The following CHAC2 variants were observed in gnomAD, a reference collection of about 807,000 sequenced individuals.
CHAC2 encodes the protein ChaC glutathione specific gamma-glutamylcyclotransferase 2.
CHAC2 carries 20 observed loss-of-function variants against 16.9 expected under a neutral mutation model. The ratio of observed to expected loss-of-function variants is 1.18; its 90% CI spans 0.83 to 1.72. CHAC2 has a LOEUF of 1.72. CHAC2 is among the 40% of genes most tolerant of loss of function. The probability of loss-of-function intolerance (pLI) is 0.00; values close to 1 mark genes in which losing one functional copy is unlikely to be tolerated. For synonymous variants in CHAC2, 91 were observed against 77.3 expected (o/e 1.18, Z -0.93); for missense variants, 269 against 222.2 (o/e 1.21, Z -1.34).
intron 2 of CHAC2, among the ~76,000 whole-genome samples, chr2:53,772,628 G>T (rs1044690435): frequency 1.5e-4 from 23 of 151,432 alleles, no homozygotes; most frequent in African/African-American, 5.6e-4. Context: ...CTCATTTTCA[G>T]CAGAAATCTA....
intron 2 of CHAC2, among the ~76,000 whole-genome samples, chr2:53,773,829 G>A (rs932511036): frequency 1.3e-5 from 2 of 151,136 alleles, no homozygotes; most frequent in Admixed American, 1.3e-4. Flanking sequence ...GAGGTCAGGA[G>A]TTTGAGACCA....
chr2:53,770,294 A>G (rs1252164550), intron 1 of CHAC2, among the ~76,000 whole-genome samples: 1 of 152,204 alleles, frequency 6.6e-6, no homozygotes, highest in Admixed American at 6.5e-5. Context: ...TTCCATGATT[A>G]CAAATTATCT....
intron 1 of CHAC2, among the ~76,000 whole-genome samples, chr2:53,769,256 A>T (rs1673718569): frequency 6.6e-6 from 1 of 152,204 alleles, no homozygotes; most frequent in Non-Finnish European, 1.5e-5. Flanking sequence ...CACGCCTCTG[A>T]TCCCAACACT....
At chr2:53,768,095 A>T (rs948025264) in intron 1 of CHAC2, 74 bp downstream of exon 1, 2 of 1,534,882 alleles carry the variant, frequency 1.3e-6, no homozygotes, top group African/African-American at 1.4e-5. Context: ...CAGCACCCAC[A>T]CCCTAGAGAA....
At position 53,772,108 on chromosome 2, in the gene CHAC2, A is replaced by G. The variant is rs527521109; in HGVS notation, c.171+166A>G. On this transcript the variant is annotated intron_variant, in intron 2 of 2. Coordinates refer to ENST00000295304, the MANE Select transcript of CHAC2 (RefSeq NM_001008708.4). The stretch of plus-strand genomic sequence containing the variant: ...TTTGTGTTTGTGAAAACTGAGGCCA[A>G]TAAGAAAAGTTAGAATGCAGAGTGC... Among the ~76,000 whole-genome samples, 81 of 152,266 alleles carry G rather than the reference A, an allele frequency of 5.3e-4. No individual in the cohort carries two copies. In the South Asian group the frequency reaches 0.017, roughly 31 times the overall value.
chr2:53,772,059 T>G, intron 2 of CHAC2, 117 bp downstream of exon 2: 1 of 643,414 alleles, frequency 1.6e-6, no homozygotes, highest in South Asian at 2.3e-5. Context: ...AATTTAGAAT[T>G]CTTCTCTGTA....
upstream of CHAC2, chr2:53,767,801 G>A: frequency 6.6e-7 from 1 of 1,513,100 alleles, no homozygotes; most frequent in Non-Finnish European, 8.9e-7. Flanking sequence ...CGCGCGGCCG[G>A]TTACTCGCTT....
chr2:53,771,585 A>G (rs1383465225), intron 1 of CHAC2, among the ~76,000 whole-genome samples: 1 of 152,222 alleles, frequency 6.6e-6, no homozygotes, highest in Non-Finnish European at 1.5e-5. Flanking sequence ...GAATATTTAT[A>G]ATTACTGCTT....
In CHAC2 at chr2:53,774,213, C is replaced by T. The variant is rs773010269; in HGVS notation, c.243C>T (p.Phe81=). ...KEEEVKAYLD[F]REKGGYRTTT... is the part of the protein sequence containing the mutation. ...AAGAAGTAAAAGCATACCTTGACTT[C>T]AGAGAAAAAGGAGGCTACAGAACCA... Residue 81 remains phenylalanine (F), a synonymous_variant, in exon 3 of 3, where the codon TTC becomes TTT. Transcript: ENST00000295304. 28 of 1,613,824 alleles carry T rather than the reference C, an allele frequency of 1.7e-5. No homozygotes were observed. In the East Asian group the frequency reaches 4.7e-4, roughly 27 times the overall value.
chr2:53,771,592 G>A (rs1459034988), intron 1 of CHAC2, among the ~76,000 whole-genome samples: 1 of 152,028 alleles, frequency 6.6e-6, no homozygotes, highest in African/African-American at 2.4e-5. Context: ...TATAATTACT[G>A]CTTCCATTTG....
intron 2 of CHAC2, 135 bp from the exon 3 acceptor site, chr2:53,774,006 GC>G (rs1228141176): frequency 1.0e-6 from 1 of 986,038 alleles, no homozygotes; most frequent in Non-Finnish European, 1.5e-6. Context: ...CTGCACCACA[GC>G]CTGGGCAACA....
rs577589136 is a variant in CHAC2, at chr2:53,768,009, G to A, written c.123G>A (p.Gly41=). The change falls in exon 1 of 3, where the codon GGG becomes GGA. Residue 41 remains glycine (G), a synonymous_variant. Transcript: ENST00000295304. ...RFWQGSTDHR[G]VPGKPGRVVT... ...GGCAGGGCAGCACGGACCACCGCGG[G>A]GTCCCCGGCAAGGTGAGGCGCCGGT... 6 of 1,613,560 alleles carry A rather than the reference G, an allele frequency of 3.7e-6. No homozygotes were observed. The South Asian group carries it at 6.6e-5, about 18-fold the overall frequency.
intron 1 of CHAC2, among the ~76,000 whole-genome samples, chr2:53,768,999 T>A (rs1374683483): frequency 1.3e-5 from 2 of 152,210 alleles, no homozygotes; most frequent in Non-Finnish European, 2.9e-5. Context: ...TAGAAACCAT[T>A]CTATCTCAAC....
At position 53,774,091 on chromosome 2, in the gene CHAC2, C is replaced by T. The variant is rs901229310; in HGVS notation, c.172-51C>T. The T allele has an allele frequency of 2.7e-6, 4 of 1,497,078 alleles. No individual in the cohort carries two copies. The African/African-American group carries it at 5.6e-5, about 21-fold the overall frequency. 92.7% of individuals were successfully genotyped at this position (1,497,078 alleles called of 1,614,324 possible). ...CCCTTAGATCACAACCTTTCTTCAC[C>T]TATTTTAATTAGCCTTATAATACCA... is the stretch of plus-strand genomic sequence containing the variant. On this transcript the variant is annotated intron_variant, in intron 2 of 2. Transcript: ENST00000295304.
intron 1 of CHAC2, among the ~76,000 whole-genome samples, chr2:53,768,779 ATAT>A (rs1342939820): frequency 5.9e-5 from 9 of 152,250 alleles, no homozygotes; most frequent in Non-Finnish European, 1.2e-4. Context: ...TAATCTCAAT[ATAT>A]GTATAGAGAA....
At chr2:53,771,208 T>G (rs1673878970) in intron 1 of CHAC2, among the ~76,000 whole-genome samples, 1 of 152,010 alleles carries the variant, frequency 6.6e-6, no homozygotes, top group Admixed American at 6.6e-5. Context: ...TTATGTCATA[T>G]TTTTTTTCCC....
At chr2:53,768,206 A>C in intron 1 of CHAC2, 185 bp downstream of exon 1, 1 of 660,398 alleles carries the variant, frequency 1.5e-6, no homozygotes, top group Admixed American at 3.1e-5. Context: ...CAGCCCGGGC[A>C]CTCCTTCCGA....
In CHAC2 at chr2:53,769,644, C is replaced by A. The variant is rs1229673188; in HGVS notation, c.135+1623C>A. Among the ~76,000 whole-genome samples the A allele has an allele frequency of 2.0e-5, 3 of 152,274 alleles. No homozygotes were observed. In the East Asian group the frequency reaches 5.8e-4, roughly 29 times the overall value. Reference sequence around the variant, plus strand: ...GGTGGATCACCTGAGGTCGGGAGTTCAACACCAGCCTGACCAACATGGAGA... The same window carrying A: ...GGTGGATCACCTGAGGTCGGGAGTTAAACACCAGCCTGACCAACATGGAGA... On this transcript the variant is annotated intron_variant, in intron 1 of 2. Transcript: ENST00000295304.
Position 53,774,293 on chromosome 2 carries a change from T to G in CHAC2, c.323T>G (p.Leu108Arg). The G allele has an allele frequency of 6.2e-7, 1 of 1,614,148 alleles. No individual in the cohort carries two copies. The change falls in exon 3 of 3, where the codon CTA becomes CGA. Residue 108 changes from leucine (L) to arginine (R), a missense_variant. By Grantham distance (102) the Leu-to-Arg change is moderately radical. Coordinates refer to ENST00000295304, the MANE Select transcript of CHAC2 (RefSeq NM_001008708.4). Reference protein sequence around the residue: ...DPTTKPFSVLLYIGTCDNPDY... With the variant: ...DPTTKPFSVLRYIGTCDNPDY... ...ACAACAAAACCATTCAGTGTATTGCTATATATTGGAACATGTGATAATCCT... is the reference window on the plus strand; with the variant it reads ...ACAACAAAACCATTCAGTGTATTGCGATATATTGGAACATGTGATAATCCT...
Sources: gnomAD v4.1 joint callset for allele counts (sites outside exome capture counted in the v4.1 genomes callset) on GRCh38, gnomAD v4.1.1 for gene constraint, MANE v1.5 for transcripts, NCBI Gene and HGNC (gene_info 2026-07-23, HGNC 2026-07-21) for gene names.